The following ADGRD1 variants were observed in gnomAD, a reference collection of about 807,000 sequenced individuals.
ADGRD1 encodes G-protein coupled receptor 133.
In ADGRD1, 77 loss-of-function variants were observed where a neutral mutation model predicts 113.4. That is an observed-to-expected ratio of 0.68 (90% CI 0.57 to 0.82). The LOEUF (loss-of-function observed/expected upper bound fraction) is 0.82. ADGRD1 is among the 40% of genes least tolerant of loss of function. The probability of loss-of-function intolerance (pLI) is 0.00; values close to 1 mark genes in which losing one functional copy is unlikely to be tolerated. For missense variants in ADGRD1, 1,036 were observed against 1,139.1 expected, an observed-to-expected ratio of 0.91 and a Z score of 1.30; for synonymous variants, 474 against 475.0, an observed-to-expected ratio of 1.00 and a Z score of 0.03.
In ADGRD1 at chr12:131,118,371, C is replaced by T. The variant is rs754269718; in HGVS notation, c.2042-14C>T. 1.9e-6 allele frequency: 3 copies of T among 1,598,874 alleles called. No homozygotes were observed. In the African/African-American group the frequency reaches 4.0e-5, roughly 21 times the overall value. On this transcript the variant is annotated splice_polypyrimidine_tract_variant and intron_variant, in intron 18 of 24. Coordinates refer to ENST00000261654, the MANE Select transcript of ADGRD1 (RefSeq NM_198827.5). ...CTGGAGCAAGTGAACATGATATTCTCCAATCTTCTGCAGGTTTTCCTCTTC... is the reference window on the plus strand; with the variant it reads ...CTGGAGCAAGTGAACATGATATTCTTCAATCTTCTGCAGGTTTTCCTCTTC...
intron 15 of ADGRD1, 45 bp from the exon 16 acceptor site, chr12:131,104,766 TGCAGCTTCAGGCTCCGATGG>T: frequency 8.6e-7 from 1 of 1,163,790 alleles, no homozygotes; most frequent in Non-Finnish European, 1.2e-6. Context: ...CTGGGCCCTC[TGCAGCTTCAGGCTCCGATGG>T]GGTGCCTGGG....
chr12:131,044,355 G>C (rs1882457684), intron 13 of ADGRD1, among the ~76,000 whole-genome samples: 1 of 152,186 alleles, frequency 6.6e-6, no homozygotes, highest in African/African-American at 2.4e-5. Flanking sequence ...GCGTGTTGCT[G>C]TCCGGCTCCC....
intron 20 of ADGRD1, 26 bp from the exon 21 acceptor site, chr12:131,131,699 A>C (rs1593270382): frequency 6.5e-7 from 1 of 1,544,172 alleles, no homozygotes; most frequent in Non-Finnish European, 8.9e-7. Flanking sequence ...GGCCCCCCTC[A>C]CCTTCCTCCA....
chr12:130,982,472 TTCC>T (rs1217969668), intron 5 of ADGRD1, among the ~76,000 whole-genome samples: 1 of 152,264 alleles, frequency 6.6e-6, no homozygotes, highest in Non-Finnish European at 1.5e-5. Context: ...ATTTTCCCTC[TTCC>T]TCCTCATCTG....
At chr12:131,061,807 T>A (rs1884353801) in intron 13 of ADGRD1, among the ~76,000 whole-genome samples, 1 of 152,250 alleles carries the variant, frequency 6.6e-6, no homozygotes, top group African/African-American at 2.4e-5. Flanking sequence ...CTACCATCCC[T>A]AACTCCTGGC....
At chr12:131,129,340 C>G (rs1280285921) in intron 20 of ADGRD1, among the ~76,000 whole-genome samples, 18 of 107,812 alleles carry the variant, frequency 1.7e-4, no homozygotes, top group Admixed American at 2.0e-4. Flanking sequence ...GGCCTGCCCT[C>G]CTGTCTGGGT....
intron 8 of ADGRD1, among the ~76,000 whole-genome samples, chr12:130,995,583 G>A (rs1220093590): frequency 2.0e-5 from 3 of 152,146 alleles, no homozygotes; most frequent in Admixed American, 6.5e-5. Flanking sequence ...TGAATGCACC[G>A]CCTCCTCTGC....
In ADGRD1 at chr12:131,082,620, A is replaced by G. The variant is rs35248862; in HGVS notation, c.1548-1920A>G. Among the ~76,000 whole-genome samples, 1,051 of 152,266 alleles carry G rather than the reference A, an allele frequency of 6.9e-3. 6 individuals are homozygous for G. Among genetic ancestry groups the G allele is most frequent in the Admixed American group, 0.011 (173 of 15,296 alleles). ...TTGAAGTATGGTACTTATGCAGCCA[A>G]TTGACAGACAAAGGCGCAATATATA... On this transcript the variant is annotated intron_variant, in intron 14 of 24. Transcript: ENST00000261654.
chr12:131,131,071 C>G (rs1347345708), intron 20 of ADGRD1, among the ~76,000 whole-genome samples: 1 of 152,226 alleles, frequency 6.6e-6, no homozygotes, highest in Non-Finnish European at 1.5e-5. Flanking sequence ...CTTCCCCATG[C>G]TGTGCCTGCC....
chr12:130,997,933 A>G (rs1224667445), intron 8 of ADGRD1, among the ~76,000 whole-genome samples: 1 of 152,230 alleles, frequency 6.6e-6, no homozygotes, highest in Non-Finnish European at 1.5e-5. Context: ...TGAGTGAACC[A>G]GACACCGTCT....
chr12:131,137,252 T>A (rs1038065601), intron 23 of ADGRD1: 5 of 590,174 alleles, frequency 8.5e-6, no homozygotes, highest in African/African-American at 1.9e-5. Context: ...AATTGGCGAC[T>A]GCATCTTAGG....
At chr12:131,134,811 C>T (rs1331647860) in intron 21 of ADGRD1, among the ~76,000 whole-genome samples, 1 of 152,238 alleles carries the variant, frequency 6.6e-6, no homozygotes, top group Non-Finnish European at 1.5e-5. Context: ...TTCATTCATT[C>T]ATTCATTCAA....
At chr12:130,968,772 G>A (rs1454450261) in intron 3 of ADGRD1, 1 of 569,822 alleles carries the variant, frequency 1.8e-6, no homozygotes, top group Non-Finnish European at 3.1e-6. Context: ...GGAACTGAGT[G>A]GGGCCACTGG....
chr12:130,954,647 G>A lies in ADGRD1; in HGVS notation c.90G>A (p.Ser30=), dbSNP rs748431281. Residue 30 remains serine (S), a synonymous_variant, in exon 2 of 25, where the codon TCG becomes TCA. Transcript: ENST00000261654. This position sits in a 1 kb window ranked among gnomAD's most constrained non-coding sequence, Gnocchi z 4.7. ...AGGTGCGTGGCGTCTACTCCAGATC[G>A]CAGGACCATCCAGGTAAGAGTGTTT... is the stretch of plus-strand genomic sequence containing the variant. ...NFQVRGVYSR[S]QDHPGFQVLA... 12 of 1,613,212 alleles carry A rather than the reference G, an allele frequency of 7.4e-6. No homozygotes were observed. The highest frequency in any genetic ancestry group is 1.0e-5 in the Non-Finnish European group (12 of 1,179,924).
At position 131,084,560 on chromosome 12, in the gene ADGRD1, C is replaced by T. The variant is rs11061318; in HGVS notation, c.1568C>T (p.Ser523Leu). 0.027 allele frequency: 43,885 copies of T among 1,614,052 alleles called. 748 individuals carry two copies. Among genetic ancestry groups the T allele is most frequent in the Non-Finnish European group, 0.03 (35,395 of 1,179,954 alleles). The change falls in exon 15 of 25, where the codon TCG (serine) becomes TTG (leucine). Residue 523 changes from serine to leucine, a missense_variant. Transcript: ENST00000261654. The surrounding 1 kb of genome is among the most constrained non-coding windows in gnomAD (Gnocchi z 4.5). ...CTCAGCTCCGGAGAAGGGGTCTGGTCGAACCACGGCTGTGCGCTCACGAGA... is the reference window on the plus strand; with the variant it reads ...CTCAGCTCCGGAGAAGGGGTCTGGTTGAACCACGGCTGTGCGCTCACGAGA... ...LDFSSGEGVW[S>L]NHGCALTRGN...
chr12:131,051,104 A>C (rs1883343304), intron 13 of ADGRD1, among the ~76,000 whole-genome samples: 1 of 152,196 alleles, frequency 6.6e-6, no homozygotes, highest in Non-Finnish European at 1.5e-5. Flanking sequence ...ATAGTTCAAC[A>C]TGAGATTTGG....
Position 131,075,328 on chromosome 12 carries a change from T to G in ADGRD1, c.1474-1473T>G, listed in dbSNP as rs1213216297. On this transcript the variant is annotated intron_variant, in intron 13 of 24. Transcript: ENST00000261654. This position sits in a 1 kb window ranked among gnomAD's most constrained non-coding sequence, Gnocchi z 5.3. ...GTTCATCTTTTCTATTATGTGAGGT[T>G]GGTGCTGCAGTTTTCCTGCTGATGC... Among the ~76,000 whole-genome samples, 1 of 151,756 alleles carries G rather than the reference T, an allele frequency of 6.6e-6. No individual in the cohort carries two copies. Among genetic ancestry groups the G allele is most frequent in the Non-Finnish European group, 1.5e-5 (1 of 67,960 alleles).
intron 6 of ADGRD1, chr12:130,987,784 T>C (rs1873884549): frequency 5.0e-6 from 1 of 200,982 alleles, no homozygotes; most frequent in African/African-American, 2.3e-5. Flanking sequence ...GGACTGGGGT[T>C]CAAATATTCA....
intron 12 of ADGRD1, among the ~76,000 whole-genome samples, chr12:131,011,525 C>T (rs553902065): frequency 1.1e-4 from 16 of 152,216 alleles, no homozygotes; most frequent in Middle Eastern, 3.4e-3. Flanking sequence ...AGGCGTGGTT[C>T]CGGGAGCTGG....
Sources: allele counts gnomAD v4.1 joint callset (sites outside exome capture counted in the v4.1 genomes callset), GRCh38; gene constraint gnomAD v4.1.1; non-coding constraint Gnocchi (gnomAD v3.1); transcripts MANE v1.5; gene names NCBI Gene and HGNC (gene_info 2026-07-23, HGNC 2026-07-21).